Variants in WDR25 observed in about 807,000 individuals in gnomAD.
WDR25 encodes the protein WD repeat domain 25.
In WDR25, 35 loss-of-function variants were observed where a neutral mutation model predicts 47.7. The observed-to-expected ratio is 0.73, with a 90% CI of 0.56 to 0.97. The LOEUF is 0.97. Ranked by LOEUF, WDR25 falls within the 50% of genes least tolerant of loss-of-function variation. The probability of loss-of-function intolerance (pLI) is 0.00; values close to 1 mark genes in which losing one functional copy is unlikely to be tolerated. For missense variants in WDR25, 634 were observed against 704.7 expected, an observed-to-expected ratio of 0.90 and a Z score of 1.14; for synonymous variants, 248 against 278.9, an observed-to-expected ratio of 0.89 and a Z score of 1.10.
intron 2 of WDR25, chr14:100,455,284 C>A (rs972241963): frequency 6.6e-6 from 1 of 152,054 alleles, no homozygotes; most frequent in South Asian, 2.1e-4. Context: ...TTCACCATTT[C>A]GATTCCATAA....
At chr14:100,396,451 G>A (rs1897262537) in intron 2 of WDR25, among the ~76,000 whole-genome samples, 1 of 152,210 alleles carries the variant, frequency 6.6e-6, no homozygotes, top group Non-Finnish European at 1.5e-5. Flanking sequence ...ACCCCAAAAG[G>A]AGAAGGAAGC....
intron 2 of WDR25, among the ~76,000 whole-genome samples, chr14:100,426,715 G>T (rs1171235861): frequency 6.6e-6 from 1 of 152,164 alleles, no homozygotes; most frequent in African/African-American, 2.4e-5. Flanking sequence ...TCTTTCCCAT[G>T]GAAGAGGAAG....
At chr14:100,475,540 A>G (rs1595127242) in intron 3 of WDR25, among the ~76,000 whole-genome samples, 1 of 152,200 alleles carries the variant, frequency 6.6e-6, no homozygotes, top group East Asian at 1.9e-4. Context: ...AGAAAGACAA[A>G]TACTGCATGA....
chr14:100,494,620 T>C, intron 4 of WDR25, among the ~76,000 whole-genome samples: 1 of 152,256 alleles, frequency 6.6e-6, no homozygotes. Flanking sequence ...AGTCTGCTTC[T>C]GGACTGTGAG....
intron 2 of WDR25, among the ~76,000 whole-genome samples, chr14:100,442,608 T>G (rs1277725846): frequency 6.6e-6 from 1 of 152,188 alleles, no homozygotes; most frequent in East Asian, 1.9e-4. Flanking sequence ...TCAGTTTAAT[T>G]TCTTTTTCCT....
chr14:100,385,604 T>C (rs1897000817), intron 2 of WDR25, among the ~76,000 whole-genome samples: 1 of 152,246 alleles, frequency 6.6e-6, no homozygotes, highest in Admixed American at 6.5e-5. Flanking sequence ...TATGCTTTTA[T>C]TAGTTTTGAA....
intron 2 of WDR25, among the ~76,000 whole-genome samples, chr14:100,415,603 C>T (rs930334242): frequency 2.0e-5 from 3 of 152,144 alleles, no homozygotes; most frequent in Admixed American, 6.5e-5. Context: ...AGAGGTTGGG[C>T]AGGTTTACCA....
chr14:100,427,796 A>G (rs1228218069), intron 2 of WDR25, among the ~76,000 whole-genome samples: 1 of 152,214 alleles, frequency 6.6e-6, no homozygotes, highest in Non-Finnish European at 1.5e-5. Context: ...CACCCCACCC[A>G]TTGCCCAGGC....
In WDR25 at chr14:100,523,746, G is replaced by A. The variant is rs1011341880; in HGVS notation, c.1102-2124G>A. On this transcript the variant is annotated intron_variant, in intron 4 of 6. Transcript: ENST00000402312. This position sits in a 1 kb window ranked among gnomAD's most constrained non-coding sequence, Gnocchi z 4.7. ...CATAACCCCTGCATGTGTCATGATC[G>A]ATCTTCTGCTTTCCCCAAGACCATG... Among the ~76,000 whole-genome samples, 9 of 152,068 alleles carry A rather than the reference G, an allele frequency of 5.9e-5. No individual in the cohort carries two copies. Among genetic ancestry groups the A allele is most frequent in the African/African-American group, 2.2e-4 (9 of 41,396 alleles).
At chr14:100,450,817 T>TG (rs2140265309) in intron 2 of WDR25, among the ~76,000 whole-genome samples, 1 of 152,338 alleles carries the variant, frequency 6.6e-6, no homozygotes, top group African/African-American at 2.4e-5. Flanking sequence ...CCTCTTACTG[T>TG]GTGCAGATTA....
chr14:100,484,263 C>A, intron 4 of WDR25, 139 bp downstream of exon 4: 2 of 980,018 alleles, frequency 2.0e-6, no homozygotes, highest in Non-Finnish European at 2.8e-6. Context: ...CAGTGCTAAG[C>A]ATAATTTTTA....
rs926858254 is a variant in WDR25, at chr14:100,523,882, G to A, written c.1102-1988G>A. Among the ~76,000 whole-genome samples, 1 of 152,168 alleles carries A rather than the reference G, an allele frequency of 6.6e-6. No homozygotes were observed. Among genetic ancestry groups the A allele is most frequent in the African/African-American group, 2.4e-5 (1 of 41,432 alleles). On this transcript the variant is annotated intron_variant, in intron 4 of 6. Coordinates refer to ENST00000402312, the MANE Select transcript of WDR25 (RefSeq NM_001161476.3). The surrounding 1 kb of genome is among the most constrained non-coding windows in gnomAD (Gnocchi z 4.7). ...GCAGCGTCCCATGCCAGCTGTTGGT[G>A]TAATTAAGGTTGCCATAAAACCCAC...
intron 2 of WDR25, among the ~76,000 whole-genome samples, chr14:100,462,768 T>A (rs1283281817): frequency 1.3e-5 from 2 of 152,136 alleles, no homozygotes; most frequent in East Asian, 3.8e-4. Flanking sequence ...ACCACTATGT[T>A]GCCCAAGCTG....
chr14:100,473,864 G>A (rs970980906), intron 3 of WDR25, among the ~76,000 whole-genome samples: 3 of 152,328 alleles, frequency 2.0e-5, no homozygotes, highest in East Asian at 1.9e-4. Context: ...CTGGAGTTTC[G>A]CTAGCGTAGC....
At chr14:100,460,439 G>T (rs1045740628) in intron 2 of WDR25, among the ~76,000 whole-genome samples, 1 of 152,172 alleles carries the variant, frequency 6.6e-6, no homozygotes, top group African/African-American at 2.4e-5. Context: ...TAAAATTTTA[G>T]CAAATCAATC....
chr14:100,409,426 C>T (rs553538707), intron 2 of WDR25, among the ~76,000 whole-genome samples: 2 of 151,670 alleles, frequency 1.3e-5, no homozygotes, highest in East Asian at 3.9e-4. Context: ...GGACCCCCCC[C>T]CACCCATCCC....
chr14:100,474,579 T>C (rs1899954816), intron 3 of WDR25, among the ~76,000 whole-genome samples: 1 of 152,224 alleles, frequency 6.6e-6, no homozygotes, highest in Non-Finnish European at 1.5e-5. Context: ...TGTCTGCTAT[T>C]GGAATGGCGA....
intron 4 of WDR25, among the ~76,000 whole-genome samples, chr14:100,518,759 C>T (rs1440198201): frequency 1.3e-5 from 2 of 151,972 alleles, no homozygotes; most frequent in African/African-American, 2.4e-5. Flanking sequence ...GGCATTGCAA[C>T]GTGTGCCTGT....
intron 3 of WDR25, among the ~76,000 whole-genome samples, chr14:100,475,673 A>G (rs923553941): frequency 6.6e-6 from 1 of 152,170 alleles, no homozygotes; most frequent in Non-Finnish European, 1.5e-5. Flanking sequence ...AAGGGTATAA[A>G]GTTTCAGTTA....
Sources: allele counts gnomAD v4.1 joint callset (sites outside exome capture counted in the v4.1 genomes callset), GRCh38; gene constraint gnomAD v4.1.1; non-coding constraint Gnocchi (gnomAD v3.1); transcripts MANE v1.5; gene names NCBI Gene and HGNC (gene_info 2026-07-23, HGNC 2026-07-21).